Variants in ZFP42 observed in about 807,000 individuals in gnomAD.
ZFP42 encodes ZFP42 zinc finger protein, also known as zinc finger protein 42 homolog.
For synonymous variants in ZFP42, 175 were observed against 144.6 expected, an observed-to-expected ratio of 1.21 and a Z score of -1.51; for missense variants, 438 against 377.1, an observed-to-expected ratio of 1.16 and a Z score of -1.34.
intron 1 of ZFP42, among the ~76,000 whole-genome samples, chr4:187,997,028 A>ATGGAGCG (rs56825807): frequency 3.2e-5 from 2 of 61,866 alleles, no homozygotes; most frequent in Non-Finnish European, 6.5e-5. Flanking sequence ...AGCATGGAGC[A>ATGGAGCG]TGGAGCGTGG....
intron 1 of ZFP42, among the ~76,000 whole-genome samples, chr4:187,997,440 G>C (rs1346534973): frequency 1.3e-5 from 2 of 151,168 alleles, no homozygotes; most frequent in African/African-American, 4.9e-5. Flanking sequence ...TGTTGGCCAG[G>C]ATGGTCTCGA....
intron 3 of ZFP42, among the ~76,000 whole-genome samples, chr4:188,000,756 C>CAG: frequency 6.6e-6 from 1 of 152,210 alleles, no homozygotes; most frequent in Non-Finnish European, 1.5e-5. Flanking sequence ...CCGAGGAGAG[C>CAG]AGATCACCTG....
At chr4:188,000,915 G>GA (rs1362439117) in intron 3 of ZFP42, among the ~76,000 whole-genome samples, 4 of 152,108 alleles carry the variant, frequency 2.6e-5, no homozygotes, top group Non-Finnish European at 4.4e-5. Context: ...AGAATCACTT[G>GA]AACCCCAGAG....
At position 187,998,845 on chromosome 4, in the gene ZFP42, G is replaced by C. The variant is rs139607951; in HGVS notation, c.-338-263G>C. ...TCTCAGAACATATTCCTGTCTTCGA[G>C]TGATGCATGACTAGTTATTTCTGCT... On this transcript the variant is annotated intron_variant, in intron 1 of 3. Transcript: ENST00000326866. Among the ~76,000 whole-genome samples the C allele has an allele frequency of 3.6e-3, 554 of 152,254 alleles. 5 individuals are homozygous for C. The highest frequency in any genetic ancestry group is 0.013 in the African/African-American group (530 of 41,536).
intron 1 of ZFP42, among the ~76,000 whole-genome samples, chr4:187,997,887 CTCT>C (rs529628158): frequency 3.9e-5 from 6 of 152,084 alleles, no homozygotes; most frequent in Non-Finnish European, 8.8e-5. Flanking sequence ...GTGTGTTTGT[CTCT>C]TCGTTTTTAA....
rs10031545 is a variant in ZFP42, at chr4:187,999,232, G to C, written c.-214G>C. ...CACTAGGCAAACCCACCCCACTCAC[G>C]GCCTCCCTTGGGAATTCAGACCTAA... is the stretch of plus-strand genomic sequence containing the variant. On this transcript the variant is annotated 5_prime_UTR_variant, in exon 2 of 4. Transcript: ENST00000326866. 0.75 allele frequency: 113,901 copies of C among 152,094 alleles called. 43,691 individuals are homozygous for C. Among genetic ancestry groups the C allele is most frequent in the East Asian group, 1 (5,121 of 5,140 alleles). The allele number at this position is 152,094 out of a possible 1,614,324, so 9.4% of individuals were successfully genotyped here.
intron 3 of ZFP42, among the ~76,000 whole-genome samples, chr4:188,000,548 G>A (rs779711773): frequency 3.3e-5 from 5 of 152,006 alleles, no homozygotes; most frequent in Admixed American, 1.3e-4. Flanking sequence ...TTAATTTCTT[G>A]TATTTTTAGT....
chr4:188,003,129 CAA>C lies in ZFP42; in HGVS notation c.325_326del (p.Lys109GlyfsTer8). 1 of 1,614,090 alleles carries C rather than the reference CAA, an allele frequency of 6.2e-7. No homozygotes were observed. The highest frequency in any genetic ancestry group is 8.5e-7 in the Non-Finnish European group (1 of 1,180,024). ...GAAAGGATCAGAACAACAGCTTTCT[CAA>C]AAGGTTTTCGAAGCAAGCTCCCTTG... ...LKKGSEQQLS[Q>X]KVFEASSLEC... On this transcript the variant is annotated frameshift_variant, in exon 4 of 4. Coordinates refer to ENST00000326866, the MANE Select transcript of ZFP42 (RefSeq NM_174900.5). LOFTEE classifies it low-confidence loss of function (END_TRUNC).
At position 187,996,462 on chromosome 4, in the gene ZFP42, C is replaced by A. The variant is rs28370444; in HGVS notation, c.-339+622C>A. Among the ~76,000 whole-genome samples, 873 of 152,262 alleles carry A rather than the reference C, an allele frequency of 5.7e-3. 10 individuals are homozygous for A. Among genetic ancestry groups the A allele is most frequent in the African/African-American group, 0.02 (833 of 41,566 alleles). On this transcript the variant is annotated intron_variant, in intron 1 of 3. Coordinates refer to ENST00000326866, the MANE Select transcript of ZFP42 (RefSeq NM_174900.5). ...AGTAGCTGAGATTACAGGCGCCCTT[C>A]ACTGCGCCCGGCTAATTTTTGTATT...
In ZFP42 at chr4:188,003,517, T is replaced by G; in HGVS notation, c.710T>G (p.Leu237Arg). The change falls in exon 4 of 4, where the codon CTG becomes CGG. Residue 237 changes from leucine (L) to arginine (R), a missense_variant. Leu to Arg is a moderately radical substitution (Grantham distance 102). Transcript: ENST00000326866. ...VESSKLKRHF[L>R]VHTGEKPFRC... ...AGCTCAAAACTAAAGAGACATTTCC[T>G]GGTTCATACTGGAGAGAAGCCGTTT... 6.2e-7 allele frequency: 1 copy of G among 1,613,780 alleles called. No homozygotes were observed. Among genetic ancestry groups the G allele is most frequent in the East Asian group, 2.2e-5 (1 of 44,876 alleles).
At position 188,004,073 on chromosome 4, in the gene ZFP42, A is replaced by C. The variant is rs1321308632; in HGVS notation, c.*333A>C. 1 of 200,826 alleles carries C rather than the reference A, an allele frequency of 5.0e-6. No individual in the cohort carries two copies. Among genetic ancestry groups the C allele is most frequent in the African/African-American group, 2.4e-5 (1 of 42,416 alleles). The allele number at this position is 200,826 out of a possible 1,614,324, so 12.4% of individuals were successfully genotyped here. On this transcript the variant is annotated 3_prime_UTR_variant, in exon 4 of 4. Coordinates refer to ENST00000326866, the MANE Select transcript of ZFP42 (RefSeq NM_174900.5). Reference sequence around the variant, plus strand: ...TATCTGTTGGATTATTGGATATAAGACTTATTTTCATGTACTATAAATATG... The same window carrying C: ...TATCTGTTGGATTATTGGATATAAGCCTTATTTTCATGTACTATAAATATG...
chr4:187,996,626 C>G (rs531729135), intron 1 of ZFP42, among the ~76,000 whole-genome samples: 5 of 152,164 alleles, frequency 3.3e-5, no homozygotes, highest in Non-Finnish European at 7.4e-5. Context: ...ATTCTTGATT[C>G]CTGTTTCCCT....
At position 187,999,889 on chromosome 4, in the gene ZFP42, A is replaced by C. The variant is rs376833036; in HGVS notation, c.-96+204A>C. Reference sequence around the variant, plus strand: ...GGATAGGTGGTATTTTAGTGAGAAAAAAGAACATTTGTAATGGACTGATCT... The same window carrying C: ...GGATAGGTGGTATTTTAGTGAGAAACAAGAACATTTGTAATGGACTGATCT... On this transcript the variant is annotated intron_variant, in intron 3 of 3. Coordinates refer to ENST00000326866, the MANE Select transcript of ZFP42 (RefSeq NM_174900.5). 2.0e-5 allele frequency among the ~76,000 whole-genome samples: 3 copies of C among 152,370 alleles called. No homozygotes were observed. The South Asian group carries it at 6.2e-4, about 32-fold the overall frequency.
chr4:188,005,111 G>A (rs1734003448), downstream of ZFP42: 1 of 166,896 alleles, frequency 6.0e-6, no homozygotes, highest in Non-Finnish European at 1.5e-5. Flanking sequence ...CCATTTATTT[G>A]TTCTTAAAAC....
chr4:187,997,392 C>CCCGACTA (rs935098329), intron 1 of ZFP42, among the ~76,000 whole-genome samples: 11 of 151,266 alleles, frequency 7.3e-5, no homozygotes, highest in Non-Finnish European at 1.6e-4. Context: ...CGCCACCACG[C>CCCGACTA]CCGACTAATT....
intron 1 of ZFP42, among the ~76,000 whole-genome samples, chr4:187,996,986 A>G (rs1733599959): frequency 9.5e-6 from 1 of 105,252 alleles, no homozygotes; most frequent in Non-Finnish European, 1.8e-5. Context: ...CCATAGCTGT[A>G]GGGAGCATGG....
chr4:188,003,916 ATTT>A lies in ZFP42; in HGVS notation c.*183_*185del. ...TGATACCGTTTTAAGGACATGGTGC[ATTT>A]TTTTTTCTTTTATTTGTTTTATTTA... On this transcript the variant is annotated 3_prime_UTR_variant, in exon 4 of 4. Coordinates refer to ENST00000326866, the MANE Select transcript of ZFP42 (RefSeq NM_174900.5). The A allele has an allele frequency of 1.8e-6, 1 of 552,020 alleles. No individual in the cohort carries two copies. Among genetic ancestry groups the A allele is most frequent in the Non-Finnish European group, 3.1e-6 (1 of 325,638 alleles). The allele number at this position is 552,020 out of a possible 1,614,324, so 34.2% of individuals were successfully genotyped here.
At chr4:187,996,942 C>G (rs987471976) in intron 1 of ZFP42, among the ~76,000 whole-genome samples, 5 of 151,216 alleles carry the variant, frequency 3.3e-5, no homozygotes, top group Non-Finnish European at 5.9e-5. Flanking sequence ...AGCCCCGCGC[C>G]TGGGCCTCGC....
In ZFP42 at chr4:188,003,807, G is replaced by A; in HGVS notation, c.*67G>A. 4 of 1,463,744 alleles carry A rather than the reference G, an allele frequency of 2.7e-6. No individual in the cohort carries two copies. The African/African-American group carries it at 4.2e-5, about 15-fold the overall frequency. 90.7% of individuals were successfully genotyped at this position (1,463,744 alleles called of 1,614,324 possible). ...TGACAAACATGCCTCATTGATTATT[G>A]TTTCTAGGAAGGAATTTCTAAATCA... is the stretch of plus-strand genomic sequence containing the variant. On this transcript the variant is annotated 3_prime_UTR_variant, in exon 4 of 4. Coordinates refer to ENST00000326866, the MANE Select transcript of ZFP42 (RefSeq NM_174900.5).
Sources: allele counts gnomAD v4.1 joint callset (sites outside exome capture counted in the v4.1 genomes callset), GRCh38; gene constraint gnomAD v4.1.1; transcripts MANE v1.5; gene names NCBI Gene and HGNC (gene_info 2026-07-23, HGNC 2026-07-21).